The following TRHDE variants were observed in gnomAD, a reference collection of about 807,000 sequenced individuals.
TRHDE encodes thyrotropin releasing hormone degrading enzyme.
In TRHDE, 72 loss-of-function variants were observed where a neutral mutation model predicts 125.7. The observed-to-expected ratio is 0.57, with a 90% CI of 0.47 to 0.70. The LOEUF is 0.70. Among genes scored for constraint, TRHDE ranks in the 30% least tolerant of loss-of-function variants. The pLI is 0.00. For synonymous variants in TRHDE, 509 were observed against 509.1 expected, an observed-to-expected ratio of 1.00 and a Z score of 0.00; for missense variants, 1,110 against 1,327.1, an observed-to-expected ratio of 0.84 and a Z score of 2.54.
At chr12:72,122,155 C>G (rs754586018) in intron 2 of TRHDE, among the ~76,000 whole-genome samples, 7 of 152,122 alleles carry the variant, frequency 4.6e-5, no homozygotes, top group Non-Finnish European at 1.0e-4. Context: ...TTTGTTCTCC[C>G]CCATTTCAAA....
intron 3 of TRHDE, among the ~76,000 whole-genome samples, chr12:72,424,821 C>T (rs900096800): frequency 6.6e-6 from 1 of 152,188 alleles, no homozygotes; most frequent in Non-Finnish European, 1.5e-5. Flanking sequence ...GAAACTAACA[C>T]CCAATATTCA....
intron 2 of TRHDE, among the ~76,000 whole-genome samples, chr12:72,185,722 T>A (rs1877193557): frequency 6.6e-6 from 1 of 151,818 alleles, no homozygotes; most frequent in South Asian, 2.1e-4. Context: ...ACACTCTGTA[T>A]CTAGCTGCTC....
intron 15 of TRHDE, among the ~76,000 whole-genome samples, chr12:72,639,324 C>T (rs1452233554): frequency 1.3e-5 from 2 of 150,456 alleles, no homozygotes; most frequent in African/African-American, 2.4e-5. Flanking sequence ...GCATTCTTCA[C>T]GTAGTTCTCG....
chr12:72,621,077 CTTATCT>C, intron 13 of TRHDE, 25 bp from the exon 14 acceptor site: 2 of 1,269,906 alleles, frequency 1.6e-6, no homozygotes, highest in Non-Finnish European at 2.3e-6. Context: ...TTAAACTGAC[CTTATCT>C]TTATTTATTC....
chr12:72,450,898 T>C (rs1278220665), intron 3 of TRHDE, among the ~76,000 whole-genome samples: 2 of 152,158 alleles, frequency 1.3e-5, no homozygotes, highest in African/African-American at 2.4e-5. Context: ...TGATAATTAG[T>C]GATGTTGACA....
intron 2 of TRHDE, among the ~76,000 whole-genome samples, chr12:72,229,485 G>A (rs1009798010): frequency 1.3e-5 from 2 of 152,104 alleles, no homozygotes; most frequent in Admixed American, 6.5e-5. Flanking sequence ...ATTTGGGTGA[G>A]GACACAGCCA....
At chr12:72,190,068 G>A (rs1400215042) in intron 2 of TRHDE, among the ~76,000 whole-genome samples, 1 of 152,184 alleles carries the variant, frequency 6.6e-6, no homozygotes, top group Admixed American at 6.5e-5. Flanking sequence ...GTCTGACCAC[G>A]TAAACTTAGT....
chr12:72,528,657 T>C (rs1320955284), intron 6 of TRHDE, among the ~76,000 whole-genome samples: 2 of 152,054 alleles, frequency 1.3e-5, no homozygotes, highest in African/African-American at 4.8e-5. Context: ...CCTGGCTAAT[T>C]TTTGTATTTT....
chr12:72,431,129 T>C (rs1159146212), intron 3 of TRHDE, among the ~76,000 whole-genome samples: 2 of 152,036 alleles, frequency 1.3e-5, no homozygotes, highest in African/African-American at 4.8e-5. Flanking sequence ...CTTGCTGAAC[T>C]ATTTTATTAG....
At chr12:72,280,911 A>G (rs1565682693) in intron 1 of TRHDE, among the ~76,000 whole-genome samples, 2 of 152,236 alleles carry the variant, frequency 1.3e-5, no homozygotes, top group East Asian at 3.8e-4. Flanking sequence ...TTCCAATAAA[A>G]AAACGTGAAT....
chr12:72,133,662 G>T (rs1295141990), intron 2 of TRHDE, among the ~76,000 whole-genome samples: 1 of 152,140 alleles, frequency 6.6e-6, no homozygotes, highest in Non-Finnish European at 1.5e-5. Flanking sequence ...GTCCATCACT[G>T]GGCCACTAGG....
chr12:72,138,853 A>G (rs1178379070), intron 2 of TRHDE, among the ~76,000 whole-genome samples: 5 of 152,312 alleles, frequency 3.3e-5, no homozygotes, highest in Non-Finnish European at 7.3e-5. Context: ...CCCATTTTCA[A>G]TGGTCCCGAA....
chr12:72,341,024 G>T (rs151007005), intron 2 of TRHDE, among the ~76,000 whole-genome samples: 52 of 152,030 alleles, frequency 3.4e-4, no homozygotes, highest in African/African-American at 1.1e-3. Flanking sequence ...TGGTATATGA[G>T]CTGAGTGACC....
intron 3 of TRHDE, among the ~76,000 whole-genome samples, chr12:72,421,562 T>C (rs745811877): frequency 1.4e-4 from 21 of 152,328 alleles, no homozygotes; most frequent in Non-Finnish European, 3.1e-4. Flanking sequence ...GCATTATTTT[T>C]GCTACATTTT....
chr12:72,201,262 C>A (rs1459977326), intron 2 of TRHDE, among the ~76,000 whole-genome samples: 1 of 151,890 alleles, frequency 6.6e-6, no homozygotes, highest in Non-Finnish European at 1.5e-5. Context: ...ACAGCTGGAA[C>A]CAATAACAGA....
At chr12:72,640,275 C>G (rs866683473) in intron 15 of TRHDE, among the ~76,000 whole-genome samples, 9 of 152,224 alleles carry the variant, frequency 5.9e-5, no homozygotes, top group Non-Finnish European at 8.8e-5. Flanking sequence ...TTCCAGGTGC[C>G]GTCTGTCACC....
chr12:72,233,592 T>C (rs1378227988), intron 2 of TRHDE, among the ~76,000 whole-genome samples: 1 of 152,204 alleles, frequency 6.6e-6, no homozygotes, highest in Non-Finnish European at 1.5e-5. Flanking sequence ...CAGTGGGTTT[T>C]GCTGAAGAGT....
intron 2 of TRHDE, chr12:72,303,186 A>C: frequency 6.6e-6 from 1 of 152,166 alleles, no homozygotes. Context: ...CCCAAATGCA[A>C]TGAGAAGAAA....
intron 6 of TRHDE, among the ~76,000 whole-genome samples, chr12:72,529,205 A>G (rs1159409970): frequency 2.6e-5 from 4 of 152,170 alleles, no homozygotes; most frequent in Non-Finnish European, 5.9e-5. Flanking sequence ...GAGATTAATT[A>G]TAAGGTGTTG....
Sources: allele counts gnomAD v4.1 joint callset (sites outside exome capture counted in the v4.1 genomes callset), GRCh38; gene constraint gnomAD v4.1.1; transcripts MANE v1.5; gene names NCBI Gene and HGNC (gene_info 2026-07-23, HGNC 2026-07-21).